PCBP3: variants seen among roughly 807,000 people sequenced by gnomAD.
The protein encoded by PCBP3 is poly(rC)-binding protein 3.
A neutral mutation model predicts 52.7 loss-of-function variants in PCBP3; 25 were observed. That is an observed-to-expected ratio of 0.47 (90% CI 0.35 to 0.66). The LOEUF (loss-of-function observed/expected upper bound fraction) is 0.66, where lower values mean the gene tolerates loss of function less well. Ranked by LOEUF, PCBP3 falls within the 30% of genes least tolerant of loss-of-function variation. The pLI is 0.01. For synonymous variants in PCBP3, 162 were observed against 183.0 expected (o/e 0.89, Z 0.93); for missense variants, 391 against 490.3 (o/e 0.80, Z 1.91).
At chr21:45,924,800 CG>C (rs1603522240) in intron 13 of PCBP3, among the ~76,000 whole-genome samples, 1 of 49,780 alleles carries the variant, frequency 2.0e-5, no homozygotes, top group East Asian at 3.1e-4. Flanking sequence ...CACGTAAGAT[CG>C]GGTGTGCGTG....
At chr21:45,856,015 A>G (rs1324967436) in intron 5 of PCBP3, among the ~76,000 whole-genome samples, 2 of 152,246 alleles carry the variant, frequency 1.3e-5, no homozygotes, top group African/African-American at 4.8e-5. Context: ...CAGATAAAGT[A>G]GGAAACAGAA....
At chr21:45,869,563 G>C (rs965729466) in intron 5 of PCBP3, among the ~76,000 whole-genome samples, 1 of 152,144 alleles carries the variant, frequency 6.6e-6, no homozygotes, top group African/African-American at 2.4e-5. Flanking sequence ...TGCTCCTCTC[G>C]CCGTCCCCAC....
rs548357227 is a variant in PCBP3, at chr21:45,767,785, T to G, written c.-126+12333T>G. Among the ~76,000 whole-genome samples the G allele has an allele frequency of 2.6e-5, 4 of 152,336 alleles. No individual in the cohort carries two copies. The South Asian group carries it at 6.2e-4, about 24-fold the overall frequency. ...GGCAGGGTCTCTGCTCCTGCTCCGG[T>G]GCTCATGTCAGGCCCCAGGCCCCTG... On this transcript the variant is annotated intron_variant, in intron 4 of 17. Coordinates refer to ENST00000681687, the MANE Select transcript of PCBP3 (RefSeq NM_001384156.1).
chr21:45,739,070 C>T (rs2086143203), intron 3 of PCBP3, among the ~76,000 whole-genome samples: 1 of 112,092 alleles, frequency 8.9e-6, no homozygotes, highest in Non-Finnish European at 1.8e-5. Flanking sequence ...CTCTGGGTAG[C>T]CCCCCATCTT....
chr21:45,663,248 C>T (rs535066003), intron 1 of PCBP3, among the ~76,000 whole-genome samples: 75 of 152,242 alleles, frequency 4.9e-4, no homozygotes, highest in African/African-American at 1.8e-3. Flanking sequence ...GTGACCTTAC[C>T]TATCATTGCA....
At chr21:45,728,765 A>C (rs909909737) in intron 2 of PCBP3, 4 of 152,162 alleles carry the variant, frequency 2.6e-5, no homozygotes, top group African/African-American at 9.7e-5. Context: ...ATATAGGATT[A>C]TTTAATTCTC....
chr21:45,887,896 C>T (rs2095558876), intron 5 of PCBP3, among the ~76,000 whole-genome samples: 1 of 152,186 alleles, frequency 6.6e-6, no homozygotes, highest in Non-Finnish European at 1.5e-5. Context: ...AGTACCAGCC[C>T]ACGGCGAAGA....
chr21:45,860,892 G>A (rs2094484753), intron 5 of PCBP3, among the ~76,000 whole-genome samples: 1 of 152,184 alleles, frequency 6.6e-6, no homozygotes, highest in Non-Finnish European at 1.5e-5. Flanking sequence ...TGCAGTGCTC[G>A]CCTTGGGTGC....
intron 2 of PCBP3, among the ~76,000 whole-genome samples, chr21:45,688,675 CATT>C (rs1166738185): frequency 6.6e-6 from 1 of 151,810 alleles, no homozygotes; most frequent in Admixed American, 6.5e-5. Flanking sequence ...AAGGCATAAT[CATT>C]GTACTTGAAA....
intron 4 of PCBP3, among the ~76,000 whole-genome samples, chr21:45,815,434 G>A (rs1193459225): frequency 1.1e-5 from 1 of 92,218 alleles, no homozygotes; most frequent in African/African-American, 4.5e-5. Flanking sequence ...GTGGTGAGTG[G>A]TGAGTCAGTG....
At chr21:45,700,736 T>C (rs2083071146) in intron 2 of PCBP3, among the ~76,000 whole-genome samples, 1 of 152,160 alleles carries the variant, frequency 6.6e-6, no homozygotes, top group Non-Finnish European at 1.5e-5. Context: ...CCAGACTGCT[T>C]CCAGCCTACA....
At chr21:45,896,780 C>G (rs1262037134) in intron 6 of PCBP3, among the ~76,000 whole-genome samples, 2 of 149,556 alleles carry the variant, frequency 1.3e-5, no homozygotes, top group Non-Finnish European at 3.0e-5. Flanking sequence ...CGGAGACGCA[C>G]TGCCTGGGCC....
intron 16 of PCBP3, among the ~76,000 whole-genome samples, chr21:45,938,125 G>A (rs2149584006): frequency 6.6e-6 from 1 of 152,342 alleles, no homozygotes; most frequent in South Asian, 2.1e-4. Flanking sequence ...GGGGCAGATG[G>A]TTAAGAGAAG....
Position 45,830,847 on chromosome 21 carries a change from A to C in PCBP3, c.-125-19114A>C, listed in dbSNP as rs914419278. 6.6e-6 allele frequency: 1 copy of C among 152,264 alleles called. No individual in the cohort carries two copies. The highest frequency in any genetic ancestry group is 6.5e-5 in the Admixed American group (1 of 15,288). The allele number at this position is 152,264 out of a possible 1,614,324, so 9.4% of individuals were successfully genotyped here. ...GTTTCATGATGAGGCCTTCCCAGAA[A>C]GGCGGGGAATCGAGAGTGACGTAGT... On this transcript the variant is annotated intron_variant, in intron 4 of 17. Coordinates refer to ENST00000681687, the MANE Select transcript of PCBP3 (RefSeq NM_001384156.1). The surrounding 1 kb of genome is among the most constrained non-coding windows in gnomAD (Gnocchi z 4.4).
chr21:45,868,432 T>TTTTTTA (rs763519476), intron 5 of PCBP3, among the ~76,000 whole-genome samples: 2 of 136,232 alleles, frequency 1.5e-5, no homozygotes, highest in African/African-American at 5.6e-5. Context: ...TTTTTTTTTT[T>TTTTTTA]AAATAAAGGA....
chr21:45,941,272 C>T (rs1569514439), intron 17 of PCBP3, among the ~76,000 whole-genome samples: 1 of 152,182 alleles, frequency 6.6e-6, no homozygotes, highest in Non-Finnish European at 1.5e-5. Context: ...CTGACAGCCC[C>T]ACTGGGACCC....
intron 2 of PCBP3, among the ~76,000 whole-genome samples, chr21:45,715,328 A>G (rs544510722): frequency 2.0e-5 from 3 of 152,296 alleles, no homozygotes; most frequent in East Asian, 3.9e-4. Flanking sequence ...CCTGGTAAGT[A>G]TATCGATGTC....
intron 1 of PCBP3, among the ~76,000 whole-genome samples, chr21:45,657,278 T>C (rs1379307289): frequency 6.6e-6 from 1 of 152,160 alleles, no homozygotes; most frequent in East Asian, 1.9e-4. Flanking sequence ...ATTCTAAGGG[T>C]TTTATAGTTT....
At chr21:45,834,938 C>T (rs909821666) in intron 4 of PCBP3, among the ~76,000 whole-genome samples, 11 of 152,364 alleles carry the variant, frequency 7.2e-5, no homozygotes, top group Admixed American at 2.0e-4. Context: ...TCCCTCAAAG[C>T]GCTGCTGGAA....
Sources: gnomAD v4.1 joint callset for allele counts (sites outside exome capture counted in the v4.1 genomes callset) on GRCh38, gnomAD v4.1.1 for gene constraint, Gnocchi (gnomAD v3.1) non-coding constraint, MANE v1.5 for transcripts, NCBI Gene and HGNC (gene_info 2026-07-23, HGNC 2026-07-21) for gene names.